The following MYO3A variants were observed in gnomAD, a reference collection of about 807,000 sequenced individuals.
MYO3A encodes myosin-IIIa.
In MYO3A, 180 loss-of-function variants were observed where a neutral mutation model predicts 192.7. That is an observed-to-expected ratio of 0.93 (90% CI 0.83 to 1.06). The LOEUF is 1.06. Among genes scored for constraint, MYO3A ranks in the 50% least tolerant of loss-of-function variants. The probability of loss-of-function intolerance (pLI) is 0.00; values close to 1 mark genes in which losing one functional copy is unlikely to be tolerated. For missense variants in MYO3A, 1,896 were observed against 1,905.0 expected (o/e 1.00, Z 0.09); for synonymous variants, 628 against 645.3 (o/e 0.97, Z 0.41).
intron 34 of MYO3A, among the ~76,000 whole-genome samples, chr10:26,207,797 C>T (rs543640130): frequency 1.3e-5 from 2 of 151,844 alleles, no homozygotes; most frequent in South Asian, 2.1e-4. Flanking sequence ...GATTTTTTTC[C>T]TATATTTGTG....
At chr10:26,081,133 T>TCCCGCCCCCCCCC (rs1835904506) in intron 14 of MYO3A, among the ~76,000 whole-genome samples, 1 of 84,940 alleles carries the variant, frequency 1.2e-5, no homozygotes, top group Admixed American at 1.2e-4. Context: ...TATATGCCCT[T>TCCCGCCCCCCCCC]CCCCCCCCCC....
chr10:26,048,838 G>A (rs940721649), intron 10 of MYO3A, among the ~76,000 whole-genome samples: 1 of 152,188 alleles, frequency 6.6e-6, no homozygotes, highest in African/African-American at 2.4e-5. Context: ...TTTGCTTAAA[G>A]AAGTATTCAA....
intron 4 of MYO3A, among the ~76,000 whole-genome samples, chr10:25,968,110 A>T (rs1385914991): frequency 6.6e-6 from 1 of 152,210 alleles, no homozygotes; most frequent in Non-Finnish European, 1.5e-5. Flanking sequence ...AAAGAAAGCC[A>T]CACTAAGGTA....
chr10:26,015,748 A>G (rs938228952), intron 6 of MYO3A, among the ~76,000 whole-genome samples: 1 of 152,156 alleles, frequency 6.6e-6, no homozygotes, highest in African/African-American at 2.4e-5. Context: ...CCTGTTTTTA[A>G]TGTTACACTC....
chr10:26,197,551 G>A (rs1001679735), intron 32 of MYO3A, among the ~76,000 whole-genome samples: 17 of 152,146 alleles, frequency 1.1e-4, no homozygotes, highest in African/African-American at 2.2e-4. Context: ...TGCATTTTGC[G>A]TTTTTTGTTG....
intron 10 of MYO3A, among the ~76,000 whole-genome samples, chr10:26,040,875 T>C (rs1251894879): frequency 6.6e-6 from 1 of 152,132 alleles, no homozygotes; most frequent in African/African-American, 2.4e-5. Flanking sequence ...CTATAGCCAT[T>C]GGATGAATGT....
chr10:26,119,593 A>G (rs1032993290), intron 17 of MYO3A, among the ~76,000 whole-genome samples: 1 of 152,162 alleles, frequency 6.6e-6, no homozygotes, highest in African/African-American at 2.4e-5. Flanking sequence ...GAATGGAATA[A>G]TCACCTTTGT....
intron 12 of MYO3A, among the ~76,000 whole-genome samples, chr10:26,069,731 G>C (rs959948513): frequency 6.6e-6 from 1 of 152,010 alleles, no homozygotes; most frequent in Admixed American, 6.6e-5. Flanking sequence ...TGGTTATCAT[G>C]TGTGAGACAT....
chr10:26,205,429 A>T (rs1048425549), intron 34 of MYO3A, among the ~76,000 whole-genome samples: 1 of 146,364 alleles, frequency 6.8e-6, no homozygotes, highest in Non-Finnish European at 1.5e-5. Flanking sequence ...GTGCCCTGGT[A>T]ACTACTATTC....
chr10:26,118,793 C>T lies in MYO3A; in HGVS notation c.1777-1883C>T, dbSNP rs545379234. Among the ~76,000 whole-genome samples the T allele has an allele frequency of 7.9e-5, 12 of 151,920 alleles. No individual in the cohort carries two copies. In the East Asian group the frequency reaches 1.7e-3, roughly 22 times the overall value. ...ATTACAGGTGCACACCACCACGCCCCGCTAATTTTTGTATTTTTAGTAGAG... is the reference window on the plus strand; with the variant it reads ...ATTACAGGTGCACACCACCACGCCCTGCTAATTTTTGTATTTTTAGTAGAG... On this transcript the variant is annotated intron_variant, in intron 17 of 34. Transcript: ENST00000642920.
At chr10:26,175,046 A>G (rs78245218) in intron 30 of MYO3A, among the ~76,000 whole-genome samples, 9,373 of 152,298 alleles carry the variant, frequency 0.062, 376 homozygotes, top group Non-Finnish European at 0.089. Flanking sequence ...CAGTGAATGA[A>G]CAGTCATGGA....
At chr10:26,021,299 T>G (rs1842287489) in intron 7 of MYO3A, among the ~76,000 whole-genome samples, 2 of 152,190 alleles carry the variant, frequency 1.3e-5, no homozygotes, top group African/African-American at 2.4e-5. Flanking sequence ...TTAAACCTCC[T>G]AAGGTATTAT....
At chr10:26,188,665 A>G (rs1842976373) in intron 31 of MYO3A, among the ~76,000 whole-genome samples, 1 of 152,214 alleles carries the variant, frequency 6.6e-6, no homozygotes, top group Non-Finnish European at 1.5e-5. Context: ...ATTTTAGTAT[A>G]AGGTGTAATG....
At chr10:25,952,949 G>C (rs924991542) in intron 3 of MYO3A, among the ~76,000 whole-genome samples, 2 of 150,602 alleles carry the variant, frequency 1.3e-5, no homozygotes, top group African/African-American at 2.4e-5. Context: ...TTAAGAGCAT[G>C]AGACTACTGA....
intron 7 of MYO3A, among the ~76,000 whole-genome samples, chr10:26,019,187 G>A (rs1284275119): frequency 1.3e-5 from 2 of 150,718 alleles, no homozygotes; most frequent in Non-Finnish European, 3.0e-5. Context: ...TCTATTTTCT[G>A]TCTCTGTGGA....
chr10:26,168,703 A>G lies in MYO3A; in HGVS notation c.3112-9A>G. 1 of 1,611,046 alleles carries G rather than the reference A, an allele frequency of 6.2e-7. No homozygotes were observed. Among genetic ancestry groups the G allele is most frequent in the South Asian group, 1.1e-5 (1 of 90,976 alleles). On this transcript the variant is annotated splice_polypyrimidine_tract_variant and intron_variant, in intron 27 of 34. Coordinates refer to ENST00000642920, the MANE Select transcript of MYO3A (RefSeq NM_017433.5). ...CCATGGTTCTTTGTATTATATTTTA[A>G]TTTTTCAGGTGTTCCTTAAGTATTA...
rs773997906 is a variant in MYO3A at position 26,024,080 on chromosome 10, A to G, written c.790A>G (p.Ile264Val). The change falls in exon 9 of 35, where the codon ATA (isoleucine) becomes GTA (valine). Residue 264 changes from isoleucine (I) to valine (V), a missense_variant. Physicochemically the swap from Ile to Val is conservative, Grantham distance 29. Transcript: ENST00000642920. ...ELWSAEFNDF[I>V]SKCLTKDYEK... is the part of the protein sequence containing the mutation. ...ATGGTCAGCAGAATTCAATGACTTC[A>G]TAAGCAAGTGAGTAAAAACAGTCTT... The G allele has an allele frequency of 7.4e-6, 12 of 1,612,526 alleles. No individual in the cohort carries two copies. In the South Asian group the frequency reaches 1.1e-4, roughly 15 times the overall value.
At chr10:25,950,647 G>GGGCCTT (rs1837152796) in intron 2 of MYO3A, among the ~76,000 whole-genome samples, 1 of 152,182 alleles carries the variant, frequency 6.6e-6, no homozygotes, top group South Asian at 2.1e-4. Flanking sequence ...GGAGGAACAA[G>GGGCCTT]AGTGTTTAGG....
At chr10:25,955,772 T>C (rs1837498600) in intron 4 of MYO3A, among the ~76,000 whole-genome samples, 1 of 152,238 alleles carries the variant, frequency 6.6e-6, no homozygotes, top group Admixed American at 6.5e-5. Context: ...GATACCTTTA[T>C]TTGACAGCTA....
Sources: gnomAD v4.1 joint callset for allele counts (sites outside exome capture counted in the v4.1 genomes callset) on GRCh38, gnomAD v4.1.1 for gene constraint, MANE v1.5 for transcripts, NCBI Gene and HGNC (gene_info 2026-07-23, HGNC 2026-07-21) for gene names.